DHX9: variants seen among roughly 807,000 people sequenced by gnomAD.
DHX9 encodes DExH-box helicase 9.
DHX9 carries 27 observed loss-of-function variants against 148.7 expected under a neutral mutation model. The ratio of observed to expected loss-of-function variants is 0.18; its 90% CI spans 0.13 to 0.25. DHX9 has a LOEUF of 0.25. Among genes scored for constraint, DHX9 ranks in the 10% least tolerant of loss-of-function variants. DHX9 has a pLI of 1.00. For synonymous variants in DHX9, 529 were observed against 516.6 expected (o/e 1.02, Z -0.33); for missense variants, 796 against 1,559.6 (o/e 0.51, Z 8.25).
At chr1:182,887,037 A>G in intron 27 of DHX9, 46 bp from the exon 28 acceptor site, 1 of 1,559,562 alleles carries the variant, frequency 6.4e-7, no homozygotes, top group Non-Finnish European at 8.8e-7. Context: ...TCGTTGGGAA[A>G]TAATAAGAAT....
chr1:182,887,634 T>C lies in DHX9; in HGVS notation c.*200T>C. Reference sequence around the variant, plus strand: ...TTATATTATGTAAAATATAACGATCTCTTAAAAATACCACAGTTTGTATTT... The same window carrying C: ...TTATATTATGTAAAATATAACGATCCCTTAAAAATACCACAGTTTGTATTT... On this transcript the variant is annotated 3_prime_UTR_variant, in exon 28 of 28. Coordinates refer to ENST00000367549, the MANE Select transcript of DHX9 (RefSeq NM_001357.5). 1.9e-6 allele frequency: 1 copy of C among 523,452 alleles called. No individual in the cohort carries two copies. Among genetic ancestry groups the C allele is most frequent in the East Asian group, 3.0e-5 (1 of 33,202 alleles). The allele number at this position is 523,452 out of a possible 1,614,324, so 32.4% of individuals were successfully genotyped here. A position where few individuals can be genotyped will look rare whatever the true frequency, so the allele number is the denominator to read the frequency against.
chr1:182,869,315 A>G (rs1487186034), intron 14 of DHX9, among the ~76,000 whole-genome samples: 1 of 149,996 alleles, frequency 6.7e-6, no homozygotes, highest in East Asian at 2.0e-4. Context: ...TCCGGTCCTG[A>G]CCAGTCTTAT....
chr1:182,871,292 T>C (rs370540325), intron 14 of DHX9, among the ~76,000 whole-genome samples: 1 of 152,182 alleles, frequency 6.6e-6, no homozygotes, highest in Non-Finnish European at 1.5e-5. Context: ...CTCAATCTCA[T>C]TGGGACTAAT....
chr1:182,852,491 T>C (rs1571301509), intron 4 of DHX9, 147 bp downstream of exon 4: 2 of 530,614 alleles, frequency 3.8e-6, no homozygotes, highest in East Asian at 6.2e-5. Flanking sequence ...TTTGCACATA[T>C]TACCAGATCA....
intron 15 of DHX9, among the ~76,000 whole-genome samples, chr1:182,874,480 T>G (rs900771702): frequency 9.9e-5 from 15 of 152,172 alleles, no homozygotes; most frequent in Admixed American, 2.0e-4. Context: ...CAGAAGCCAT[T>G]TTGTGTGTGC....
chr1:182,854,844 T>C (rs570068934), intron 6 of DHX9, among the ~76,000 whole-genome samples: 1 of 152,300 alleles, frequency 6.6e-6, no homozygotes, highest in Admixed American at 6.5e-5. Flanking sequence ...GTAGTAATTA[T>C]TACTCCCAGG....
chr1:182,859,906 T>C (rs1668327183), intron 11 of DHX9, 87 bp from the exon 12 acceptor site: 2 of 1,359,078 alleles, frequency 1.5e-6, no homozygotes, highest in Admixed American at 2.1e-5. Context: ...GCCCAGTCTA[T>C]AGAGATGGAA....
At chr1:182,864,398 A>G (rs1293672350) in intron 12 of DHX9, among the ~76,000 whole-genome samples, 10 of 152,128 alleles carry the variant, frequency 6.6e-5, no homozygotes, top group Non-Finnish European at 1.5e-5. Context: ...ATTTTTTCTG[A>G]TATTTTGATA....
rs775205660 is a variant in DHX9 at position 182,858,640 on chromosome 1, G to A, written c.900G>A (p.Pro300=). 50 of 1,608,010 alleles carry A rather than the reference G, an allele frequency of 3.1e-5. No homozygotes were observed. The East Asian group carries it at 5.4e-4, about 17-fold the overall frequency. ...AGCTAAATCTTGAGATTTTGCCCCC[G>A]GTAAGCATAAAGCTGTTTAGTTCAC... The part of the protein sequence containing the change: ...IQELNLEILP[P]PEDPSVPVAL... The change falls in exon 9 of 28, where the codon CCG becomes CCA. Residue 300 remains proline (P), a splice_region_variant and synonymous_variant. Coordinates refer to ENST00000367549, the MANE Select transcript of DHX9 (RefSeq NM_001357.5).
At chr1:182,858,500 C>T (rs1668295579) in intron 8 of DHX9, 51 bp from the exon 9 acceptor site, 1 of 1,467,396 alleles carries the variant, frequency 6.8e-7, no homozygotes, top group African/African-American at 1.4e-5. Flanking sequence ...GTCTTAGCCC[C>T]ATTATAGTAG....
At position 182,878,167 on chromosome 1, in the gene DHX9, T is replaced by C; in HGVS notation, c.2345T>C (p.Phe782Ser). ...TTTCACCTGTGCAGCCGAGCTCGTT[T>C]TGAGAGGTAAGACCCATTCTTGACC... is the stretch of plus-strand genomic sequence containing the variant. Reference protein sequence around the residue: ...FCFHLCSRARFERLETHMTPE... With the variant: ...FCFHLCSRARSERLETHMTPE... Residue 782 changes from phenylalanine to serine, a missense_variant, in exon 20 of 28, where the codon TTT becomes TCT. By Grantham distance (155) the Phe-to-Ser change is radical. Coordinates refer to ENST00000367549, the MANE Select transcript of DHX9 (RefSeq NM_001357.5). The C allele has an allele frequency of 6.2e-7, 1 of 1,614,198 alleles. No homozygotes were observed. Among genetic ancestry groups the C allele is most frequent in the Non-Finnish European group, 8.5e-7 (1 of 1,180,026 alleles).
In DHX9 at chr1:182,853,859, T is replaced by C. The variant is rs1571302541; in HGVS notation, c.478-171T>C. On this transcript the variant is annotated intron_variant, in intron 5 of 27. Coordinates refer to ENST00000367549, the MANE Select transcript of DHX9 (RefSeq NM_001357.5). ...AATAGCTTGTTTATATAATAGGGCC[T>C]TTAGATGCAATAAAAAGTAATTCTG... is the stretch of plus-strand genomic sequence containing the variant. Among the ~76,000 whole-genome samples, 6 of 152,162 alleles carry C rather than the reference T, an allele frequency of 3.9e-5. No individual in the cohort carries two copies. In the South Asian group the frequency reaches 1.2e-3, roughly 32 times the overall value.
chr1:182,846,422 C>T (rs577544815), intron 3 of DHX9, among the ~76,000 whole-genome samples: 21 of 152,126 alleles, frequency 1.4e-4, no homozygotes, highest in African/African-American at 4.1e-4. Flanking sequence ...TTAGTAGAGA[C>T]GGGGTTTCTC....
chr1:182,843,275 C>CT lies in DHX9; in HGVS notation c.112-5dup, dbSNP rs367956446. ...AATTACCCAGGTCAGTCTCTTAGTA[C>CT]TTTTTTTTTTTTTTAAAGGTTCAGG... On this transcript the variant is annotated intron_variant, in intron 2 of 27. Coordinates refer to ENST00000367549, the MANE Select transcript of DHX9 (RefSeq NM_001357.5). 95,928 of 1,191,996 alleles carry CT rather than the reference C, an allele frequency of 0.08. 1,005 individuals are homozygous for CT. Among genetic ancestry groups the CT allele is most frequent in the African/African-American group, 0.22 (13,987 of 63,156 alleles). The allele number at this position is 1,191,996 out of a possible 1,614,324, so 73.8% of individuals were successfully genotyped here.
At position 182,858,748 on chromosome 1, in the gene DHX9, G is replaced by A; in HGVS notation, c.916G>A (p.Val306Met). 1 of 1,614,098 alleles carries A rather than the reference G, an allele frequency of 6.2e-7. No individual in the cohort carries two copies. The highest frequency in any genetic ancestry group is 8.5e-7 in the Non-Finnish European group (1 of 1,180,020). ...TTTTTAATAGCCTGAAGATCCTTCT[G>A]TGCCAGTTGCACTCAACATTGGCAA... is the stretch of plus-strand genomic sequence containing the variant. ...EILPPPEDPS[V>M]PVALNIGKLA... Residue 306 changes from valine to methionine, a missense_variant, in exon 10 of 28, where the codon GTG becomes ATG. Physicochemically the swap from Val to Met is conservative, Grantham distance 21. Transcript: ENST00000367549.
intron 3 of DHX9, among the ~76,000 whole-genome samples, chr1:182,850,068 TG>T (rs1367508864): frequency 1.3e-5 from 2 of 149,618 alleles, no homozygotes; most frequent in Admixed American, 1.3e-4. Context: ...CTGTCTTCTC[TG>T]GCACTGGATT....
intron 3 of DHX9, among the ~76,000 whole-genome samples, chr1:182,851,561 G>A (rs184887800): frequency 7.6e-4 from 115 of 152,268 alleles, no homozygotes; most frequent in Non-Finnish European, 1.3e-3. Context: ...ATTTTTAAAT[G>A]TTCTTTGCAA....
intron 11 of DHX9, 46 bp from the exon 12 acceptor site, chr1:182,859,946 TA>T: frequency 1.9e-6 from 3 of 1,556,778 alleles, no homozygotes; most frequent in Admixed American, 1.8e-5. Context: ...CAGTTGCTTC[TA>T]ATGTGTTGGT....
At chr1:182,851,471 C>T (rs1270490499) in intron 3 of DHX9, among the ~76,000 whole-genome samples, 1 of 152,126 alleles carries the variant, frequency 6.6e-6, no homozygotes, top group Non-Finnish European at 1.5e-5. Context: ...AATGAATTAG[C>T]TTTCATCTCA....
Sources: gnomAD v4.1 joint callset for allele counts (sites outside exome capture counted in the v4.1 genomes callset) on GRCh38, gnomAD v4.1.1 for gene constraint, MANE v1.5 for transcripts, NCBI Gene and HGNC (gene_info 2026-07-23, HGNC 2026-07-21) for gene names.